MAST1: variants seen among roughly 807,000 people sequenced by gnomAD.
MAST1 encodes the protein microtubule-associated serine/threonine-protein kinase 1.
In MAST1, 40 loss-of-function variants were observed where a neutral mutation model predicts 124.6. That is an observed-to-expected ratio of 0.32 (90% CI 0.25 to 0.42). MAST1 has a LOEUF of 0.42. MAST1 is among the 10% of genes least tolerant of loss of function. MAST1 has a pLI of 1.00. For synonymous variants in MAST1, 938 were observed against 939.4 expected (o/e 1.00, Z 0.03); for missense variants, 1,558 against 2,181.9 (o/e 0.71, Z 5.70).
chr19:12,860,451 T>C (rs1970066694), intron 12 of MAST1, among the ~76,000 whole-genome samples: 2 of 145,908 alleles, frequency 1.4e-5, no homozygotes, highest in Admixed American at 6.8e-5. Context: ...TCTTTCTTTT[T>C]TTTTTTTTTT....
rs1449933859 is a variant in MAST1, at chr19:12,868,967, G to A, written c.2774-99G>A. On this transcript the variant is annotated intron_variant, in intron 21 of 25. Coordinates refer to ENST00000251472, the MANE Select transcript of MAST1 (RefSeq NM_014975.3). The stretch of plus-strand genomic sequence containing the variant: ...GATTGGCTCCAGGCTGGACCAATGA[G>A]AGGCTGCTCTGCCACTGCCTTGGGA... 3 of 1,532,324 alleles carry A rather than the reference G, an allele frequency of 2.0e-6. No individual in the cohort carries two copies. In the Admixed American group the frequency reaches 5.2e-5, roughly 27 times the overall value. 94.9% of individuals were successfully genotyped at this position (1,532,324 alleles called of 1,614,324 possible).
chr19:12,866,162 TG>T lies in MAST1; in HGVS notation c.2029+64del. ...GGGTGGGATCCGGGAAGAGGGACCC[TG>T]GGGTAAGTAAAGCCTGGGATAGGGC... On this transcript the variant is annotated intron_variant, in intron 17 of 25. Transcript: ENST00000251472. This position sits in a 1 kb window ranked among gnomAD's most constrained non-coding sequence, Gnocchi z 5.2. 1 of 1,502,490 alleles carries T rather than the reference TG, an allele frequency of 6.7e-7. No homozygotes were observed. The allele number at this position is 1,502,490 out of a possible 1,614,324, so 93.1% of individuals were successfully genotyped here. A position where few individuals can be genotyped will look rare whatever the true frequency, so the allele number is the denominator to read the frequency against.
chr19:12,847,223 A>C lies in MAST1; in HGVS notation c.328-67A>C. On this transcript the variant is annotated intron_variant, in intron 4 of 25. Coordinates refer to ENST00000251472, the MANE Select transcript of MAST1 (RefSeq NM_014975.3). The surrounding 1 kb of genome is among the most constrained non-coding windows in gnomAD (Gnocchi z 5.5). ...TGACCCCATCGGCTTTGGGAGTCCC[A>C]GCTCAGGGTCCTGAGCTGTTGGGGG... 2.8e-6 allele frequency: 3 copies of C among 1,083,686 alleles called. No individual in the cohort carries two copies. Among genetic ancestry groups the C allele is most frequent in the Non-Finnish European group, 4.1e-6 (3 of 732,704 alleles). The allele number at this position is 1,083,686 out of a possible 1,614,324, so 67.1% of individuals were successfully genotyped here. A position where few individuals can be genotyped will look rare whatever the true frequency, so the allele number is the denominator to read the frequency against.
At position 12,874,850 on chromosome 19, in the gene MAST1, C is replaced by G; in HGVS notation, c.4693C>G (p.Pro1565Ala). 6.2e-7 allele frequency: 1 copy of G among 1,600,212 alleles called. No homozygotes were observed. Among genetic ancestry groups the G allele is most frequent in the Non-Finnish European group, 8.5e-7 (1 of 1,174,110 alleles). ...AGLTKKGVSS[P>A]APPGP ...CCTGACCAAAAAAGGAGTGTCCAGTCCCGCACCCCCGGGACCATAGCCAAG... is the reference window on the plus strand; with the variant it reads ...CCTGACCAAAAAAGGAGTGTCCAGTGCCGCACCCCCGGGACCATAGCCAAG... Residue 1565 changes from proline (P) to alanine (A), a missense_variant, in exon 26 of 26, where the codon CCC becomes GCC. Pro to Ala is a conservative substitution (Grantham distance 27, BLOSUM62 -1). Coordinates refer to ENST00000251472, the MANE Select transcript of MAST1 (RefSeq NM_014975.3). The surrounding 1 kb of genome is among the most constrained non-coding windows in gnomAD (Gnocchi z 6.6).
At position 12,866,770 on chromosome 19, in the gene MAST1, A is replaced by G; in HGVS notation, c.2139+8A>G. The G allele has an allele frequency of 6.2e-7, 1 of 1,609,892 alleles. No individual in the cohort carries two copies. The highest frequency in any genetic ancestry group is 8.5e-7 in the Non-Finnish European group (1 of 1,177,406). On this transcript the variant is annotated splice_region_variant and intron_variant, in intron 18 of 25. Coordinates refer to ENST00000251472, the MANE Select transcript of MAST1 (RefSeq NM_014975.3). This position sits in a 1 kb window ranked among gnomAD's most constrained non-coding sequence, Gnocchi z 5.2. The stretch of plus-strand genomic sequence containing the variant: ...TCTCCGCGCTTCAGCAAGGTGGGCC[A>G]AGTCTGGGTGTGGGACAGGGCGAGA...
In MAST1 at chr19:12,858,590, A is replaced by G; in HGVS notation, c.1217A>G (p.Asn406Ser). 6.2e-7 allele frequency: 1 copy of G among 1,614,258 alleles called. No individual in the cohort carries two copies. Among genetic ancestry groups the G allele is most frequent in the Non-Finnish European group, 8.5e-7 (1 of 1,180,040 alleles). The change falls in exon 12 of 26, where the codon AAC becomes AGC. Residue 406 changes from asparagine to serine, a missense_variant. By Grantham distance (46) the Asn-to-Ser change is conservative (BLOSUM62 1). Around this residue, in one of 10 missense-constraint regions of MAST1, gnomAD observed 136 missense variants for 160.9 expected, o/e 0.85. Coordinates refer to ENST00000251472, the MANE Select transcript of MAST1 (RefSeq NM_014975.3). ...CAGCGCTTTGCCATGAAAAAGATCA[A>G]CAAGCAGAACTTGATCCTCCGCAAC... ...TRQRFAMKKI[N>S]KQNLILRNQI...
chr19:12,851,106 C>A (rs1969954091), intron 7 of MAST1, among the ~76,000 whole-genome samples: 1 of 151,780 alleles, frequency 6.6e-6, no homozygotes, highest in African/African-American at 2.4e-5. Flanking sequence ...TGGCACTATA[C>A]CCAGCTAATT....
chr19:12,853,225 C>T (rs150046847), intron 10 of MAST1, among the ~76,000 whole-genome samples: 1 of 151,792 alleles, frequency 6.6e-6, no homozygotes, highest in African/African-American at 2.4e-5. Flanking sequence ...CCCATCTCGG[C>T]CTCCCAAAGT....
chr19:12,848,319 C>A, intron 7 of MAST1: 1 of 461,400 alleles, frequency 2.2e-6, no homozygotes, highest in African/African-American at 2.0e-5. Flanking sequence ...GGTCCCCAGT[C>A]ATTTAAAATA....
chr19:12,870,347 C>T (rs1310687484), intron 22 of MAST1, among the ~76,000 whole-genome samples: 5 of 149,694 alleles, frequency 3.3e-5, no homozygotes, highest in African/African-American at 1.2e-4. Context: ...AAAAATTAGC[C>T]AGGCGTGGTG....
Position 12,865,023 on chromosome 19 carries a change from G to C in MAST1, c.1506-23G>C. 1 of 1,613,716 alleles carries C rather than the reference G, an allele frequency of 6.2e-7. No homozygotes were observed. The highest frequency in any genetic ancestry group is 1.1e-5 in the South Asian group (1 of 91,062). ...GGCAGAATGGACGGGCCTCATCCCT[G>C]AGATCCCCACCTGTGCCTACAGCCT... On this transcript the variant is annotated intron_variant, in intron 13 of 25. Transcript: ENST00000251472. The surrounding 1 kb of genome is among the most constrained non-coding windows in gnomAD (Gnocchi z 7.1).
At chr19:12,846,674 C>T (rs1227057676) in intron 4 of MAST1, among the ~76,000 whole-genome samples, 1 of 151,764 alleles carries the variant, frequency 6.6e-6, no homozygotes, top group Non-Finnish European at 1.5e-5. Context: ...GTCAGGAGTT[C>T]AAGACCAGCC....
rs1230858178 is a variant in MAST1, at chr19:12,843,709, G to A, written c.327+102G>A. 4 of 983,494 alleles carry A rather than the reference G, an allele frequency of 4.1e-6. No homozygotes were observed. The highest frequency in any genetic ancestry group is 6.1e-6 in the Non-Finnish European group (4 of 653,974). The allele number at this position is 983,494 out of a possible 1,614,324, so 60.9% of individuals were successfully genotyped here. On this transcript the variant is annotated intron_variant, in intron 4 of 25. Transcript: ENST00000251472. This position sits in a 1 kb window ranked among gnomAD's most constrained non-coding sequence, Gnocchi z 4.9. ...GCCAGCAGTCCAGGCTGGGCTTGAT[G>A]ACAGTTTAGGGCCAGGCTCAGTGAC... is the stretch of plus-strand genomic sequence containing the variant.
rs148857313 is a variant in MAST1 at position 12,853,794 on chromosome 19, C to T, written c.1077+1399C>T. Reference sequence around the variant, plus strand: ...CTGAGGCAGGAGAATTGCTTGAACCCGGGAGGTGGAGGTTGGTGTGAGCCA... The same window carrying T: ...CTGAGGCAGGAGAATTGCTTGAACCTGGGAGGTGGAGGTTGGTGTGAGCCA... On this transcript the variant is annotated intron_variant, in intron 10 of 25. Transcript: ENST00000251472. Among the ~76,000 whole-genome samples the T allele has an allele frequency of 7.2e-4, 109 of 150,848 alleles. 1 individual carries two copies. Among genetic ancestry groups the T allele is most frequent in the African/African-American group, 2.3e-3 (95 of 41,150 alleles).
chr19:12,870,314 C>G (rs1242194957), intron 22 of MAST1, among the ~76,000 whole-genome samples: 2 of 151,454 alleles, frequency 1.3e-5, no homozygotes, highest in Non-Finnish European at 1.5e-5. Flanking sequence ...ATGGTGAAAC[C>G]CCATCTCTAC....
At chr19:12,845,100 G>A (rs1449331040) in intron 4 of MAST1, among the ~76,000 whole-genome samples, 2 of 151,998 alleles carry the variant, frequency 1.3e-5, no homozygotes, top group African/African-American at 4.8e-5. Context: ...TCAGGAGTTC[G>A]AGACCAGCCT....
chr19:12,840,578 A>T, intron 2 of MAST1, 44 bp downstream of exon 2: 1 of 1,416,854 alleles, frequency 7.1e-7, no homozygotes. Context: ...ACTGGCCTAC[A>T]GTAGGCGGGG....
intron 4 of MAST1, among the ~76,000 whole-genome samples, chr19:12,844,014 C>T (rs765686441): frequency 1.3e-5 from 2 of 151,734 alleles, no homozygotes; most frequent in Admixed American, 6.6e-5. Context: ...AAGAAAAAAG[C>T]AAAAAAAGAC....
At chr19:12,858,263 T>G (rs565585651) in intron 10 of MAST1, 99 bp from the exon 11 acceptor site, 7 of 1,079,514 alleles carry the variant, frequency 6.5e-6, no homozygotes, top group East Asian at 2.4e-5. Context: ...GAAGGACTCT[T>G]TCATTCTGTG....
Sources: gnomAD v4.1 joint callset for allele counts (sites outside exome capture counted in the v4.1 genomes callset) on GRCh38, gnomAD v4.1.1 for gene constraint, gnomAD v4.1.1 regional missense constraint, Gnocchi (gnomAD v3.1) non-coding constraint, MANE v1.5 for transcripts, NCBI Gene and HGNC (gene_info 2026-07-23, HGNC 2026-07-21) for gene names.